Variants in MRC1 observed in about 807,000 individuals in gnomAD.
MRC1 encodes the protein macrophage mannose receptor 1.
Under a neutral mutation model 102.9 loss-of-function variants are expected in MRC1, and 62 were observed. The observed-to-expected ratio is 0.60, with a 90% CI of 0.49 to 0.74. The LOEUF (loss-of-function observed/expected upper bound fraction) is 0.74, where lower values mean the gene tolerates loss of function less well. Among genes scored for constraint, MRC1 ranks in the 30% least tolerant of loss-of-function variants. The pLI is 0.00. For missense variants in MRC1, 1,237 were observed against 862.8 expected (o/e 1.43, Z -5.43); for synonymous variants, 457 against 298.4 (o/e 1.53, Z -5.48).
In MRC1 at chr10:17,907,563, G is replaced by T; in HGVS notation, c.3943G>T (p.Val1315Phe). The T allele has an allele frequency of 1.3e-6, 1 of 780,846 alleles. No individual in the cohort carries two copies. Among genetic ancestry groups the T allele is most frequent in the Admixed American group, 1.7e-5 (1 of 59,030 alleles). 48.4% of individuals were successfully genotyped at this position (780,846 alleles called of 1,614,324 possible). Residue 1315 changes from valine (V) to phenylalanine (F), a missense_variant, in exon 28 of 30, where the codon GTC (valine) becomes TTC (phenylalanine). Coordinates refer to ENST00000569591, the MANE Select transcript of MRC1 (RefSeq NM_002438.4). ...GTWLWINNSP[V>F]SFVNWNTGDP... ...GTGGCTGTGGATAAATAACAGTCCG[G>T]TCTCCTTTGTCAACTGGAACACAGG...
intron 17 of MRC1, among the ~76,000 whole-genome samples, chr10:17,877,464 A>G (rs1833452728): frequency 6.6e-6 from 1 of 150,590 alleles, no homozygotes; most frequent in African/African-American, 2.4e-5. Flanking sequence ...TTTCATATAT[A>G]TATTTTGTAT....
At chr10:17,878,006 G>T (rs1276681441) in intron 18 of MRC1, 39 bp downstream of exon 18, 2 of 869,388 alleles carry the variant, frequency 2.3e-6, no homozygotes, top group East Asian at 4.8e-5. Context: ...GCTTGGGTTA[G>T]TGTTCTGACC....
At chr10:17,823,769 G>A (rs1034347564) in intron 2 of MRC1, among the ~76,000 whole-genome samples, 4 of 152,092 alleles carry the variant, frequency 2.6e-5, no homozygotes, top group African/African-American at 9.7e-5. Flanking sequence ...TCAGAAAATC[G>A]TTTTCATTGT....
intron 3 of MRC1, among the ~76,000 whole-genome samples, chr10:17,832,618 C>T (rs1488876966): frequency 1.3e-5 from 2 of 148,626 alleles, no homozygotes; most frequent in Non-Finnish European, 3.0e-5. Context: ...GACGGAGTCT[C>T]GCTCTGTCGC....
Position 17,809,349 on chromosome 10 carries a change from A to G in MRC1, c.-117A>G, listed in dbSNP as rs1838187520. On this transcript the variant is annotated 5_prime_UTR_variant, in exon 1 of 30. Coordinates refer to ENST00000569591, the MANE Select transcript of MRC1 (RefSeq NM_002438.4). ...GAGGGCTTCCTCTGTAGTTCTTTTCAGCTGGGCAGCTCTGGGAACTTGGAT... is the reference window on the plus strand; with the variant it reads ...GAGGGCTTCCTCTGTAGTTCTTTTCGGCTGGGCAGCTCTGGGAACTTGGAT... 2 of 792,356 alleles carry G rather than the reference A, an allele frequency of 2.5e-6. No individual in the cohort carries two copies. The highest frequency in any genetic ancestry group is 4.6e-6 in the Non-Finnish European group (2 of 432,456). 49.1% of individuals were successfully genotyped at this position (792,356 alleles called of 1,614,324 possible).
Position 17,853,152 on chromosome 10 carries a change from A to G in MRC1, c.1407+28A>G, listed in dbSNP as rs1369833222. The G allele has an allele frequency of 7.7e-6, 6 of 779,742 alleles. 1 individual carries two copies. The highest frequency in any genetic ancestry group is 1.3e-5 in the South Asian group (1 of 74,594). 48.3% of individuals were successfully genotyped at this position (779,742 alleles called of 1,614,324 possible). A position where few individuals can be genotyped will look rare whatever the true frequency, so the allele number is the denominator to read the frequency against. On this transcript the variant is annotated intron_variant, in intron 8 of 29. Transcript: ENST00000569591. ...AAGGCCACTTGAATGACTGATATTT[A>G]TAATGAAAGTCACGGGGGATTTTTC...
chr10:17,858,563 C>G (rs1833132898), intron 9 of MRC1, among the ~76,000 whole-genome samples: 1 of 152,176 alleles, frequency 6.6e-6, no homozygotes, highest in African/African-American at 2.4e-5. Flanking sequence ...TATTAGCTCA[C>G]TGCAACCTCC....
At chr10:17,819,524 G>GGA (rs1481865406) in intron 1 of MRC1, among the ~76,000 whole-genome samples, 1 of 150,666 alleles carries the variant, frequency 6.6e-6, no homozygotes, top group Admixed American at 6.6e-5. Flanking sequence ...GTGGAGAGAG[G>GGA]GAGAGAGAGA....
At chr10:17,858,130 C>T (rs1833122797) in intron 9 of MRC1, among the ~76,000 whole-genome samples, 1 of 152,136 alleles carries the variant, frequency 6.6e-6, no homozygotes, top group African/African-American at 2.4e-5. Context: ...CATTCATCAG[C>T]CACCAAATTG....
At chr10:17,879,860 G>T (rs1833489503) in intron 19 of MRC1, 39 bp downstream of exon 19, 2 of 780,628 alleles carry the variant, frequency 2.6e-6, no homozygotes, top group South Asian at 2.7e-5. Flanking sequence ...TTTGTGGCGT[G>T]GCGTGTCATT....
At chr10:17,870,973 A>T in intron 14 of MRC1, 38 bp downstream of exon 14, 1 of 857,300 alleles carries the variant, frequency 1.2e-6, no homozygotes, top group Middle Eastern at 2.2e-4. Context: ...TTCTTACTTT[A>T]TCGTGTATTT....
chr10:17,828,671 A>G (rs1838521347), intron 3 of MRC1, among the ~76,000 whole-genome samples: 1 of 151,688 alleles, frequency 6.6e-6, no homozygotes, highest in Non-Finnish European at 1.5e-5. Flanking sequence ...GAAGGGTGCC[A>G]TTTAGTTTCA....
intron 17 of MRC1, 132 bp from the exon 18 acceptor site, chr10:17,877,768 A>T: frequency 1.3e-6 from 1 of 754,468 alleles, no homozygotes. Flanking sequence ...TATAGAATGT[A>T]CTACATTTCT....
chr10:17,839,480 CTTTAAAGAATTTGTGAAAATTCT>C (rs1417674790), intron 4 of MRC1, among the ~76,000 whole-genome samples: 61,948 of 151,596 alleles, frequency 0.41, 12,993 homozygotes, highest in Non-Finnish European at 0.46. Flanking sequence ...GTTAGTACAA[CTTTAAAGAATTTGTGAAAATTCT>C]TTTAAAGAAT....
Position 17,870,955 on chromosome 10 carries a change from A to G in MRC1, c.2199+20A>G, listed in dbSNP as rs1013731442. ...TCTCCTGTGAGTAATTTTACTTACT[A>G]TATAACTTTCTTACTTTATCGTGTA... On this transcript the variant is annotated intron_variant, in intron 14 of 29. Coordinates refer to ENST00000569591, the MANE Select transcript of MRC1 (RefSeq NM_002438.4). 27 of 867,828 alleles carry G rather than the reference A, an allele frequency of 3.1e-5. No individual in the cohort carries two copies. Among genetic ancestry groups the G allele is most frequent in the Non-Finnish European group, 5.2e-5 (26 of 498,416 alleles). The allele number at this position is 867,828 out of a possible 1,614,324, so 53.8% of individuals were successfully genotyped here. A position where few individuals can be genotyped will look rare whatever the true frequency, so the allele number is the denominator to read the frequency against.
intron 7 of MRC1, among the ~76,000 whole-genome samples, chr10:17,852,352 T>C (rs959022851): frequency 1.3e-5 from 2 of 152,196 alleles, no homozygotes; most frequent in Admixed American, 6.5e-5. Flanking sequence ...TACAGCATAA[T>C]AGATAGGTAC....
chr10:17,815,589 G>C (rs912604679), intron 1 of MRC1, among the ~76,000 whole-genome samples: 4 of 152,264 alleles, frequency 2.6e-5, no homozygotes, highest in African/African-American at 7.2e-5. Context: ...CCCCGGGAAG[G>C]TGTAGATATT....
intron 23 of MRC1, 119 bp downstream of exon 23, chr10:17,894,431 G>C (rs1185091456): frequency 1.6e-6 from 1 of 628,056 alleles, no homozygotes; most frequent in Non-Finnish European, 2.7e-6. Flanking sequence ...GCAGAGTCTC[G>C]CTCTGTCGCC....
chr10:17,900,778 G>A lies in MRC1; in HGVS notation c.3484-10G>A. On this transcript the variant is annotated splice_polypyrimidine_tract_variant and intron_variant, in intron 24 of 29. Coordinates refer to ENST00000569591, the MANE Select transcript of MRC1 (RefSeq NM_002438.4). ...AGGCTGCATGTTAATGCTTGTTTTTGTCGTTGCAGACTGATAATCAATACA... is the reference window on the plus strand; with the variant it reads ...AGGCTGCATGTTAATGCTTGTTTTTATCGTTGCAGACTGATAATCAATACA... 1.3e-6 allele frequency: 1 copy of A among 780,694 alleles called. No individual in the cohort carries two copies. Among genetic ancestry groups the A allele is most frequent in the South Asian group, 1.3e-5 (1 of 74,588 alleles). 48.4% of individuals were successfully genotyped at this position (780,694 alleles called of 1,614,324 possible). A position where few individuals can be genotyped will look rare whatever the true frequency, so the allele number is the denominator to read the frequency against.
Sources: gnomAD v4.1 joint callset for allele counts (sites outside exome capture counted in the v4.1 genomes callset) on GRCh38, gnomAD v4.1.1 for gene constraint, MANE v1.5 for transcripts, NCBI Gene and HGNC (gene_info 2026-07-23, HGNC 2026-07-21) for gene names.